The following DLG1 variants were observed in gnomAD, a reference collection of about 807,000 sequenced individuals.
The protein encoded by DLG1 is discs large MAGUK scaffold protein 1.
A neutral mutation model predicts 123.4 loss-of-function variants in DLG1; 42 were observed. The observed-to-expected ratio is 0.34, with a 90% CI of 0.27 to 0.44. The LOEUF is 0.44. DLG1 is among the 20% of genes least tolerant of loss of function. The pLI is 1.00. For synonymous variants in DLG1, 317 were observed against 356.2 expected (o/e 0.89, Z 1.24); for missense variants, 942 against 1,082.6 (o/e 0.87, Z 1.82).
chr3:197,196,904 C>T (rs543210809), intron 4 of DLG1, among the ~76,000 whole-genome samples: 3 of 151,986 alleles, frequency 2.0e-5, no homozygotes, highest in South Asian at 2.1e-4. Flanking sequence ...TTAAGCAACA[C>T]TGTATGTATG....
intron 23 of DLG1, among the ~76,000 whole-genome samples, chr3:197,056,372 A>AT (rs1268166569): frequency 2.0e-5 from 3 of 152,160 alleles, no homozygotes; most frequent in Non-Finnish European, 4.4e-5. Context: ...ATTTGCTCCT[A>AT]TTTTGGTAAG....
chr3:197,158,634 CAAA>C (rs71623339), intron 5 of DLG1, among the ~76,000 whole-genome samples: 38 of 67,488 alleles, frequency 5.6e-4, no homozygotes, highest in East Asian at 6.5e-4. Flanking sequence ...AACTCCATTT[CAAA>C]AAAAAAAAAA....
chr3:197,277,935 T>C (rs1767295049), intron 4 of DLG1, among the ~76,000 whole-genome samples: 1 of 144,034 alleles, frequency 6.9e-6, no homozygotes, highest in Non-Finnish European at 1.5e-5. Context: ...CCACCAGGAG[T>C]CTGAGACTAG....
At chr3:197,091,863 G>C (rs1432441746) in intron 14 of DLG1, among the ~76,000 whole-genome samples, 2 of 151,908 alleles carry the variant, frequency 1.3e-5, no homozygotes, top group Non-Finnish European at 2.9e-5. Flanking sequence ...AACTTCTCTG[G>C]GATTTTGTGT....
At chr3:197,251,827 A>C (rs996988624) in intron 4 of DLG1, among the ~76,000 whole-genome samples, 2 of 152,216 alleles carry the variant, frequency 1.3e-5, no homozygotes, top group African/African-American at 4.8e-5. Context: ...TAGCAAAAAA[A>C]CAAATAATCA....
At chr3:197,124,441 A>AT (rs1180082185) in intron 11 of DLG1, among the ~76,000 whole-genome samples, 2 of 151,630 alleles carry the variant, frequency 1.3e-5, no homozygotes, top group African/African-American at 4.9e-5. Context: ...TGCCCGGGTA[A>AT]TTTTTTGTAG....
At chr3:197,195,359 C>T (rs1721904623) in intron 4 of DLG1, among the ~76,000 whole-genome samples, 1 of 151,330 alleles carries the variant, frequency 6.6e-6, no homozygotes, top group Admixed American at 6.6e-5. Flanking sequence ...CAGTACCCAG[C>T]AATCCCACTA....
chr3:197,070,860 C>A (rs558777277), intron 18 of DLG1: 45 of 152,138 alleles, frequency 3.0e-4, no homozygotes, highest in African/African-American at 1.0e-3. Context: ...GTGTGAGCCA[C>A]CGCACCTGGC....
At chr3:197,265,100 T>A (rs934103259) in intron 4 of DLG1, among the ~76,000 whole-genome samples, 1 of 152,218 alleles carries the variant, frequency 6.6e-6, no homozygotes, top group African/African-American at 2.4e-5. Flanking sequence ...AGTACCCAAC[T>A]GGCACTGAGT....
At chr3:197,126,145 A>T (rs1449887095) in intron 11 of DLG1, among the ~76,000 whole-genome samples, 1 of 152,222 alleles carries the variant, frequency 6.6e-6, no homozygotes, top group Non-Finnish European at 1.5e-5. Context: ...CAGCTTTTTC[A>T]TAATGCTTTA....
At chr3:197,291,963 AAAAT>A (rs1240748957) in intron 3 of DLG1, among the ~76,000 whole-genome samples, 1 of 152,236 alleles carries the variant, frequency 6.6e-6, no homozygotes, top group African/African-American at 2.4e-5. Context: ...AGAAAGGAAA[AAAAT>A]TAAGTATCGG....
intron 16 of DLG1, among the ~76,000 whole-genome samples, chr3:197,084,315 TG>T (rs1233872845): frequency 8.2e-6 from 1 of 121,278 alleles, no homozygotes; most frequent in Admixed American, 8.6e-5. Flanking sequence ...CACTTTTTGT[TG>T]TTTTTTTTTT....
At chr3:197,076,779 G>A in intron 17 of DLG1, 94 bp from the exon 18 acceptor site, 1 of 735,124 alleles carries the variant, frequency 1.4e-6, no homozygotes, top group Non-Finnish European at 2.4e-6. Context: ...TGACTCCTAT[G>A]ACCACAGTGT....
At chr3:197,296,191 C>T (rs139084358) in intron 3 of DLG1, among the ~76,000 whole-genome samples, 155 bp downstream of exon 3, 11 of 152,262 alleles carry the variant, frequency 7.2e-5, no homozygotes, top group African/African-American at 2.6e-4. Context: ...TAAGAAAGGA[C>T]ACTGGCCTAT....
intron 4 of DLG1, among the ~76,000 whole-genome samples, chr3:197,277,170 G>A (rs1199141438): frequency 6.6e-6 from 1 of 151,448 alleles, no homozygotes; most frequent in Non-Finnish European, 1.5e-5. Context: ...GGAATTACAG[G>A]CATGAGCCAC....
intron 4 of DLG1, among the ~76,000 whole-genome samples, chr3:197,258,099 G>A (rs2150932202): frequency 6.6e-6 from 1 of 152,298 alleles, no homozygotes; most frequent in South Asian, 2.1e-4. Flanking sequence ...TGCCATGCTA[G>A]AAATGCTCAC....
chr3:197,147,240 A>G (rs1183159137), intron 6 of DLG1, among the ~76,000 whole-genome samples: 1 of 152,218 alleles, frequency 6.6e-6, no homozygotes, highest in Non-Finnish European at 1.5e-5. Flanking sequence ...GAGAGTCCTT[A>G]AAGAACTAAA....
intron 6 of DLG1, among the ~76,000 whole-genome samples, chr3:197,144,541 A>C (rs914973470): frequency 6.6e-6 from 1 of 152,352 alleles, no homozygotes; most frequent in Middle Eastern, 3.4e-3. Flanking sequence ...CCTAAGCTTC[A>C]GGGTAGTTTG....
intron 4 of DLG1, among the ~76,000 whole-genome samples, chr3:197,227,406 T>C (rs1441900482): frequency 6.6e-6 from 1 of 151,462 alleles, no homozygotes; most frequent in Non-Finnish European, 1.5e-5. Context: ...AACTGGGAGA[T>C]GGAAGTTGCA....
Sources: allele counts gnomAD v4.1 joint callset (sites outside exome capture counted in the v4.1 genomes callset), GRCh38; gene constraint gnomAD v4.1.1; transcripts MANE v1.5; gene names NCBI Gene and HGNC (gene_info 2026-07-23, HGNC 2026-07-21).